The following CAND1 variants were observed in gnomAD, a reference collection of about 807,000 sequenced individuals.
CAND1 encodes cullin associated and neddylation dissociated 1.
CAND1 carries 7 observed loss-of-function variants against 108.5 expected under a neutral mutation model. That is an observed-to-expected ratio of 0.06 (90% confidence interval 0.04 to 0.12). CAND1 has a LOEUF of 0.12. Among genes scored for constraint, CAND1 ranks in the 10% least tolerant of loss-of-function variants. The pLI is 1.00. For synonymous variants in CAND1, 534 were observed against 512.0 expected (o/e 1.04, Z -0.58); for missense variants, 941 against 1,448.7 (o/e 0.65, Z 5.69).
chr12:67,297,357 G>C (rs143204578), intron 4 of CAND1, 50 bp from the exon 5 acceptor site: 4 of 1,547,858 alleles, frequency 2.6e-6, no homozygotes, highest in Non-Finnish European at 3.5e-6. Context: ...TAGTGGCCAG[G>C]CATCTTGAAT....
Position 67,304,741 on chromosome 12 carries a change from T to C in CAND1, c.1430T>C (p.Val477Ala). ...GALTQHIPVLVPGIIFSLNDK... is the reference protein window; with the variant it reads ...GALTQHIPVLAPGIIFSLNDK... Reference sequence around the variant, plus strand: ...CTAACTCAACACATTCCTGTACTTGTACCAGGTATGAAAGAAACATAAATC... The same window carrying C: ...CTAACTCAACACATTCCTGTACTTGCACCAGGTATGAAAGAAACATAAATC... Residue 477 changes from valine to alanine, a missense_variant, in exon 9 of 15, where the codon GTA (valine) becomes GCA (alanine). Transcript: ENST00000545606. 1.2e-6 allele frequency: 2 copies of C among 1,613,168 alleles called. No homozygotes were observed. The highest frequency in any genetic ancestry group is 1.7e-6 in the Non-Finnish European group (2 of 1,179,700).
At chr12:67,301,152 C>T (rs2044821492) in intron 7 of CAND1, among the ~76,000 whole-genome samples, 1 of 152,080 alleles carries the variant, frequency 6.6e-6, no homozygotes. Context: ...TATCTTTTAA[C>T]TTTATTTGAA....
At chr12:67,294,416 A>G (rs984472551) in intron 3 of CAND1, among the ~76,000 whole-genome samples, 10 of 152,264 alleles carry the variant, frequency 6.6e-5, no homozygotes, top group Non-Finnish European at 1.5e-4. Flanking sequence ...AGAAGCTGCT[A>G]AGCATTGGAG....
Position 67,310,154 on chromosome 12 carries a change from A to C in CAND1, c.3198A>C (p.Val1066=), listed in dbSNP as rs374098408. ...CACGTTCTTTTTTGCTTTAACAGGT[A>C]GAAATGGGTCCATTTAAACATACGG... ...TKVRKELIRE[V]EMGPFKHTVD... Residue 1066 remains valine, a splice_region_variant and synonymous_variant, in exon 13 of 15, where the codon GTA becomes GTC. Coordinates refer to ENST00000545606, the MANE Select transcript of CAND1 (RefSeq NM_018448.5). The C allele has an allele frequency of 1.1e-5, 18 of 1,612,120 alleles. No individual in the cohort carries two copies. The highest frequency in any genetic ancestry group is 2.7e-5 in the African/African-American group (2 of 74,854).
chr12:67,299,484 A>G (rs527968720), intron 7 of CAND1, among the ~76,000 whole-genome samples: 2 of 152,252 alleles, frequency 1.3e-5, no homozygotes, highest in Non-Finnish European at 2.9e-5. Context: ...GTACTATTCA[A>G]ATTTTCTACA....
chr12:67,303,508 C>T (rs1185959493), intron 8 of CAND1, among the ~76,000 whole-genome samples: 1 of 152,108 alleles, frequency 6.6e-6, no homozygotes, highest in Non-Finnish European at 1.5e-5. Context: ...AGTAGAGTTG[C>T]CAGGAATTCT....
chr12:67,269,836 G>GCCCTGGCCGTCACGCAGGCCTTGC, intron 1 of CAND1, 51 bp downstream of exon 1: 1 of 1,524,492 alleles, frequency 6.6e-7, no homozygotes. Flanking sequence ...CGCAGCCGCG[G>GCCCTGGCCGTCACGCAGGCCTTGC]CCCTGGCCGT....
chr12:67,314,845 T>C lies in CAND1; in HGVS notation c.*2015T>C, dbSNP rs999291285. 3.9e-5 allele frequency: 6 copies of C among 152,334 alleles called. No homozygotes were observed. The highest frequency in any genetic ancestry group is 1.2e-4 in the African/African-American group (5 of 41,558). 9.4% of individuals were successfully genotyped at this position (152,334 alleles called of 1,614,324 possible). On this transcript the variant is annotated 3_prime_UTR_variant, in exon 15 of 15. Coordinates refer to ENST00000545606, the MANE Select transcript of CAND1 (RefSeq NM_018448.5). ...ACTGCTCTTTTATGGCTTTAGTGTT[T>C]ATATACCTGTTTATATGCATACATT...
intron 1 of CAND1, chr12:67,270,117 A>C: frequency 1.8e-5 from 5 of 274,302 alleles, no homozygotes; most frequent in East Asian, 9.0e-5. Flanking sequence ...ACCACCCACC[A>C]TTGTGGAGAA....
chr12:67,307,371 T>C (rs74508096), intron 10 of CAND1, 26 bp from the exon 11 acceptor site: 46,690 of 1,550,124 alleles, frequency 0.03, 914 homozygotes, highest in Non-Finnish European at 0.034. Context: ...TACATACCAA[T>C]AGACTTGCAA....
chr12:67,292,583 A>G, intron 2 of CAND1, 39 bp from the exon 3 acceptor site: 1 of 1,508,240 alleles, frequency 6.6e-7, no homozygotes, highest in Non-Finnish European at 9.0e-7. Flanking sequence ...TTTTGTGCTT[A>G]TCTAGCTTTT....
chr12:67,299,092 C>A lies in CAND1; in HGVS notation c.997C>A (p.Gln333Lys). The stretch of plus-strand genomic sequence containing the variant: ...TGCTGATGGTGGTGATGATGATGAT[C>A]AAGGTATTGCAAATTAAATAGAATC... ...MDADGGDDDD[Q>K]GSDDEYSDDD... Residue 333 changes from glutamine (Q) to lysine (K), a missense_variant, in exon 7 of 15, where the codon CAA becomes AAA. Around this residue, in one of 9 missense-constraint regions of CAND1, gnomAD observed 697 missense variants for 942.0 expected, o/e 0.74. Coordinates refer to ENST00000545606, the MANE Select transcript of CAND1 (RefSeq NM_018448.5). 6.6e-7 allele frequency: 1 copy of A among 1,517,442 alleles called. No homozygotes were observed. The highest frequency in any genetic ancestry group is 1.2e-5 in the South Asian group (1 of 82,094). The allele number at this position is 1,517,442 out of a possible 1,614,324, so 94.0% of individuals were successfully genotyped here.
chr12:67,286,562 AT>A (rs35747245), intron 2 of CAND1, among the ~76,000 whole-genome samples: 50 of 143,204 alleles, frequency 3.5e-4, no homozygotes, highest in African/African-American at 7.2e-4. Flanking sequence ...TTTTTTGGCC[AT>A]TTTTTTTTTT....
Position 67,269,409 on chromosome 12 carries a change from GT to G in CAND1, c.-308del, listed in dbSNP as rs1411380060. On this transcript the variant is annotated 5_prime_UTR_variant, in exon 1 of 15. Transcript: ENST00000545606. ...GCGAGTGGGAGCGAGACGGCCCTGA[GT>G]GGAAGTGTCTGGCTCCCCGTAGAGG... 1.0e-5 allele frequency: 4 copies of G among 396,150 alleles called. No individual in the cohort carries two copies. The highest frequency in any genetic ancestry group is 8.7e-5 in the African/African-American group (4 of 46,136). The allele number at this position is 396,150 out of a possible 1,614,324, so 24.5% of individuals were successfully genotyped here.
intron 1 of CAND1, among the ~76,000 whole-genome samples, chr12:67,280,775 C>T (rs994360844): frequency 6.6e-6 from 1 of 152,096 alleles, no homozygotes; most frequent in Non-Finnish European, 1.5e-5. Context: ...TTATCTTGGC[C>T]ACCATTCAGT....
At chr12:67,276,775 G>A (rs1015426984) in intron 1 of CAND1, among the ~76,000 whole-genome samples, 1 of 152,188 alleles carries the variant, frequency 6.6e-6, no homozygotes, top group African/African-American at 2.4e-5. Context: ...CTGAGGTTTA[G>A]TTATGAGTCT....
At chr12:67,281,560 G>A (rs559142020) in intron 1 of CAND1, among the ~76,000 whole-genome samples, 1 of 152,300 alleles carries the variant, frequency 6.6e-6, no homozygotes, top group South Asian at 2.1e-4. Context: ...AAGCAGTGAT[G>A]CAATTAATTA....
chr12:67,274,584 G>C (rs6581748), intron 1 of CAND1, among the ~76,000 whole-genome samples: 2 of 152,082 alleles, frequency 1.3e-5, no homozygotes, highest in Non-Finnish European at 2.9e-5. Flanking sequence ...TGTTTAAGTA[G>C]AATTGGGTTT....
chr12:67,305,958 G>A lies in CAND1; in HGVS notation c.2290G>A (p.Val764Ile), dbSNP rs375413037. The change falls in exon 10 of 15, where the codon GTC becomes ATC. Residue 764 changes from valine (V) to isoleucine (I), a missense_variant. Val to Ile is a conservative substitution (Grantham distance 29). Transcript: ENST00000545606. The surrounding 1 kb of genome is among the most constrained non-coding windows in gnomAD (Gnocchi z 4.4). ...AMLDFFQALV[V>I]TGTNNLGYMD... ...GCTAGACTTTTTCCAAGCTCTGGTT[G>A]TCACTGGAACAAATAATTTAGGATA... 1.2e-6 allele frequency: 2 copies of A among 1,614,186 alleles called. No homozygotes were observed. Among genetic ancestry groups the A allele is most frequent in the Non-Finnish European group, 1.7e-6 (2 of 1,180,016 alleles).
Sources: gnomAD v4.1 joint callset for allele counts (sites outside exome capture counted in the v4.1 genomes callset) on GRCh38, gnomAD v4.1.1 for gene constraint, gnomAD v4.1.1 regional missense constraint, Gnocchi (gnomAD v3.1) non-coding constraint, MANE v1.5 for transcripts, NCBI Gene and HGNC (gene_info 2026-07-23, HGNC 2026-07-21) for gene names.